ROBO1: variants seen among roughly 807,000 people sequenced by gnomAD.
The protein encoded by ROBO1 is roundabout homolog 1.
In ROBO1, 149 loss-of-function variants were observed where a neutral mutation model predicts 195.9. That is an observed-to-expected ratio of 0.76 (90% CI 0.67 to 0.87). The LOEUF is 0.87. Ranked by LOEUF, ROBO1 falls within the 40% of genes least tolerant of loss-of-function variation. ROBO1 has a pLI of 0.00. For synonymous variants in ROBO1, 816 were observed against 733.2 expected (o/e 1.11, Z -1.82); for missense variants, 1,933 against 2,068.3 (o/e 0.93, Z 1.27).
At chr3:79,374,337 A>G (rs12714476) in intron 2 of ROBO1, among the ~76,000 whole-genome samples, 96,251 of 149,676 alleles carry the variant, frequency 0.64, 31,292 homozygotes, top group African/African-American at 0.81. Flanking sequence ...TTAGAGCTCA[A>G]ACATTCTTTC....
intron 2 of ROBO1, among the ~76,000 whole-genome samples, chr3:79,176,738 G>A (rs1187214253): frequency 6.6e-6 from 1 of 152,164 alleles, no homozygotes; most frequent in East Asian, 1.9e-4. Context: ...GGGGTTAGAG[G>A]TGTGAGCTGC....
At position 78,783,161 on chromosome 3, in the gene ROBO1, T is replaced by C. The variant is rs187630791; in HGVS notation, c.500-36261A>G. ...TGTGGATATATTGCAAGTGGTGAAGTCTGGGCTTTTAGTGTAATCCTCCCC... is the reference window on the plus strand; with the variant it reads ...TGTGGATATATTGCAAGTGGTGAAGCCTGGGCTTTTAGTGTAATCCTCCCC... On this transcript the variant is annotated intron_variant, in intron 4 of 30. Coordinates refer to ENST00000464233, the MANE Select transcript of ROBO1 (RefSeq NM_002941.4). Among the ~76,000 whole-genome samples, 364 of 152,306 alleles carry C rather than the reference T, an allele frequency of 2.4e-3. 2 individuals carry two copies. Among genetic ancestry groups the C allele is most frequent in the African/African-American group, 8.0e-3 (332 of 41,572 alleles).
At chr3:79,219,950 G>C (rs937395847) in intron 2 of ROBO1, among the ~76,000 whole-genome samples, 4 of 151,920 alleles carry the variant, frequency 2.6e-5, no homozygotes, top group Non-Finnish European at 4.4e-5. Flanking sequence ...AAACTGTAAA[G>C]GTATACAGTA....
At chr3:78,718,799 GAA>G in intron 5 of ROBO1, among the ~76,000 whole-genome samples, 1 of 134,934 alleles carries the variant, frequency 7.4e-6, no homozygotes, top group African/African-American at 2.7e-5. Flanking sequence ...AGGAAGGAAG[GAA>G]GGAAGGGAGG....
intron 4 of ROBO1, among the ~76,000 whole-genome samples, chr3:78,876,515 G>A (rs1209064418): frequency 6.6e-6 from 1 of 152,146 alleles, no homozygotes; most frequent in East Asian, 1.9e-4. Context: ...TGCTACACAC[G>A]TAATGCACTG....
At chr3:79,286,682 A>AT (rs1316831229) in intron 2 of ROBO1, among the ~76,000 whole-genome samples, 5 of 152,188 alleles carry the variant, frequency 3.3e-5, no homozygotes, top group Non-Finnish European at 7.4e-5. Flanking sequence ...CCTGAGAGGC[A>AT]TTTCCTAACG....
chr3:79,033,015 A>G (rs557779639), intron 3 of ROBO1, among the ~76,000 whole-genome samples: 5 of 152,210 alleles, frequency 3.3e-5, no homozygotes, highest in African/African-American at 1.2e-4. Context: ...ACAATATATT[A>G]GAGTGGTAGA....
chr3:79,708,093 AT>A (rs1407221053), intron 1 of ROBO1, among the ~76,000 whole-genome samples: 3 of 152,092 alleles, frequency 2.0e-5, no homozygotes, highest in Admixed American at 6.6e-5. Context: ...CATATTGACC[AT>A]TTTGCGTTAA....
At chr3:79,726,238 A>G (rs1423012707) in intron 1 of ROBO1, among the ~76,000 whole-genome samples, 1 of 152,176 alleles carries the variant, frequency 6.6e-6, no homozygotes, top group East Asian at 1.9e-4. Flanking sequence ...CCAGGACACC[A>G]GTTGTGAAAG....
intron 2 of ROBO1, among the ~76,000 whole-genome samples, chr3:79,283,274 C>T (rs933951186): frequency 2.0e-5 from 3 of 152,176 alleles, no homozygotes; most frequent in African/African-American, 7.2e-5. Context: ...GGGTACTATG[C>T]TCACTACCTG....
chr3:79,329,327 C>T (rs984031781), intron 2 of ROBO1, among the ~76,000 whole-genome samples: 38 of 152,144 alleles, frequency 2.5e-4, no homozygotes, highest in African/African-American at 8.7e-4. Flanking sequence ...GGTAACAGAA[C>T]ACCCTCCCAT....
chr3:78,849,441 A>G (rs2033889723), intron 4 of ROBO1, among the ~76,000 whole-genome samples: 1 of 152,050 alleles, frequency 6.6e-6, no homozygotes. Context: ...TTAGGACAGC[A>G]CTTTCACATG....
At chr3:79,144,426 G>C (rs2080601028) in intron 2 of ROBO1, among the ~76,000 whole-genome samples, 1 of 151,420 alleles carries the variant, frequency 6.6e-6, no homozygotes, top group African/African-American at 2.4e-5. Flanking sequence ...TTCCCCTACT[G>C]TCTACTCCCT....
chr3:79,740,997 G>A (rs927484063), intron 1 of ROBO1, among the ~76,000 whole-genome samples: 1 of 152,190 alleles, frequency 6.6e-6, no homozygotes, highest in East Asian at 1.9e-4. Context: ...AGATAGTGCA[G>A]ATTGTTCAGT....
At chr3:79,277,731 G>A (rs1038784477) in intron 2 of ROBO1, among the ~76,000 whole-genome samples, 4 of 150,902 alleles carry the variant, frequency 2.7e-5, no homozygotes, top group African/African-American at 9.7e-5. Flanking sequence ...AAATCTCAAG[G>A]GCCCCATAAA....
Position 79,028,191 on chromosome 3 carries a change from C to T in ROBO1, c.173-89264G>A, listed in dbSNP as rs573069472. ...ATATTTCTAGAGCATTTGGAAACTG[C>T]CAGCAAAAGAAAGAAAAAATATTCC... On this transcript the variant is annotated intron_variant, in intron 3 of 30. Coordinates refer to ENST00000464233, the MANE Select transcript of ROBO1 (RefSeq NM_002941.4). Among the ~76,000 whole-genome samples the T allele has an allele frequency of 4.0e-3, 602 of 151,938 alleles. 2 individuals carry two copies. The highest frequency in any genetic ancestry group is 6.8e-3 in the Non-Finnish European group (461 of 67,832).
intron 23 of ROBO1, among the ~76,000 whole-genome samples, chr3:78,635,458 C>A (rs896294668): frequency 6.6e-6 from 1 of 152,064 alleles, no homozygotes; most frequent in Non-Finnish European, 1.5e-5. Context: ...ATTGAAAATG[C>A]GAGGTATTGT....
chr3:79,657,855 C>G (rs1946213973), intron 1 of ROBO1, among the ~76,000 whole-genome samples: 1 of 152,002 alleles, frequency 6.6e-6, no homozygotes, highest in African/African-American at 2.4e-5. Context: ...TATATTGAAA[C>G]ATTGCTCTAG....
intron 2 of ROBO1, among the ~76,000 whole-genome samples, chr3:79,166,163 T>C (rs6786720): frequency 0.088 from 13,430 of 152,242 alleles, 1,014 homozygotes; most frequent in African/African-American, 0.2. Flanking sequence ...ACTAATACAG[T>C]TATTAATGCC....
Sources: gnomAD v4.1 joint callset for allele counts (sites outside exome capture counted in the v4.1 genomes callset) on GRCh38, gnomAD v4.1.1 for gene constraint, MANE v1.5 for transcripts, NCBI Gene and HGNC (gene_info 2026-07-23, HGNC 2026-07-21) for gene names.